The following FHIT variants were observed in gnomAD, a reference collection of about 807,000 sequenced individuals.
FHIT encodes the protein fragile histidine triad diadenosine triphosphatase.
A neutral mutation model predicts 17.9 loss-of-function variants in FHIT; 19 were observed. The observed-to-expected ratio is 1.06, with a 90% CI of 0.74 to 1.56. The LOEUF is 1.56. Ranked by LOEUF, FHIT falls within the 40% of genes most tolerant of loss-of-function variation. The pLI is 0.00. For synonymous variants in FHIT, 81 were observed against 69.7 expected (o/e 1.16, Z -0.81); for missense variants, 248 against 189.2 (o/e 1.31, Z -1.82).
At chr3:60,325,846 T>C (rs182647550) in intron 5 of FHIT, among the ~76,000 whole-genome samples, 41 of 152,372 alleles carry the variant, frequency 2.7e-4, no homozygotes, top group East Asian at 3.9e-4. Flanking sequence ...TGTTATGTTA[T>C]GCTTTTATTG....
chr3:60,624,070 A>G (rs1227520416), intron 4 of FHIT, among the ~76,000 whole-genome samples: 1 of 152,236 alleles, frequency 6.6e-6, no homozygotes, highest in Non-Finnish European at 1.5e-5. Context: ...CACATTCAAA[A>G]GGGCTGTTTA....
intron 4 of FHIT, among the ~76,000 whole-genome samples, chr3:60,548,857 A>G (rs1353275462): frequency 6.6e-6 from 1 of 152,050 alleles, no homozygotes; most frequent in Non-Finnish European, 1.5e-5. Context: ...ACTTCATCAT[A>G]CTCTTGACTC....
At chr3:59,963,716 A>G (rs1265809682) in intron 7 of FHIT, among the ~76,000 whole-genome samples, 2 of 152,240 alleles carry the variant, frequency 1.3e-5, no homozygotes, top group African/African-American at 4.8e-5. Context: ...GTGGAATCCC[A>G]GTTTTGAAGA....
intron 2 of FHIT, among the ~76,000 whole-genome samples, chr3:61,071,555 C>T (rs1375084270): frequency 6.6e-6 from 1 of 152,018 alleles, no homozygotes; most frequent in Non-Finnish European, 1.5e-5. Context: ...GATTGCTATG[C>T]AGTCATTAAA....
chr3:60,223,554 A>G (rs536261283), intron 5 of FHIT, among the ~76,000 whole-genome samples: 34 of 152,260 alleles, frequency 2.2e-4, no homozygotes, highest in Non-Finnish European at 4.6e-4. Context: ...TTCCCAAGTA[A>G]CAAGCTTGTT....
chr3:61,156,493 C>T (rs2037537780), intron 2 of FHIT, among the ~76,000 whole-genome samples: 1 of 152,058 alleles, frequency 6.6e-6, no homozygotes, highest in African/African-American at 2.4e-5. Context: ...GTCTATCTCT[C>T]CACCAAGAAC....
At chr3:60,248,175 TC>T (rs1402601106) in intron 5 of FHIT, among the ~76,000 whole-genome samples, 1 of 152,092 alleles carries the variant, frequency 6.6e-6, no homozygotes, top group East Asian at 1.9e-4. Flanking sequence ...CTTTAGTTCT[TC>T]CCCCTAAGAG....
chr3:60,281,547 G>A lies in FHIT; in HGVS notation c.103+255313C>T, dbSNP rs140261749. Among the ~76,000 whole-genome samples the A allele has an allele frequency of 5.4e-3, 816 of 150,542 alleles. 6 individuals are homozygous for A. Among genetic ancestry groups the A allele is most frequent in the African/African-American group, 0.018 (748 of 41,018 alleles). The stretch of plus-strand genomic sequence containing the variant: ...AGACCAATACAAACATAAACAACTT[G>A]CCCTGGACAGAGGAGCAAAGGCAAT... On this transcript the variant is annotated intron_variant, in intron 5 of 9. Transcript: ENST00000492590.
At chr3:60,139,559 G>T (rs1310564006) in intron 5 of FHIT, among the ~76,000 whole-genome samples, 2 of 152,110 alleles carry the variant, frequency 1.3e-5, no homozygotes, top group African/African-American at 4.8e-5. Context: ...ACAATCCTCA[G>T]CTACTCATTG....
intron 4 of FHIT, among the ~76,000 whole-genome samples, chr3:60,654,161 A>G (rs1336786628): frequency 6.6e-6 from 1 of 152,024 alleles, no homozygotes; most frequent in Non-Finnish European, 1.5e-5. Flanking sequence ...CCTCCCTAGA[A>G]GCCGAGCCAG....
chr3:59,890,461 G>A (rs904264870), intron 8 of FHIT, among the ~76,000 whole-genome samples: 4 of 152,142 alleles, frequency 2.6e-5, no homozygotes, highest in Non-Finnish European at 4.4e-5. Context: ...GAAAGGCTGG[G>A]TTTAGGGTTC....
intron 7 of FHIT, among the ~76,000 whole-genome samples, chr3:59,981,871 G>A (rs802773): frequency 0.88 from 133,745 of 152,116 alleles, 58,917 homozygotes; most frequent in East Asian, 1. Flanking sequence ...ATTTAAAATT[G>A]TATTTTATGA....
intron 4 of FHIT, among the ~76,000 whole-genome samples, chr3:60,821,525 A>C (rs1175144931): frequency 6.6e-6 from 1 of 152,136 alleles, no homozygotes; most frequent in African/African-American, 2.4e-5. Flanking sequence ...AAAACATAAC[A>C]ACCTGACTTT....
chr3:60,473,547 T>A (rs1415342579), intron 5 of FHIT, among the ~76,000 whole-genome samples: 1 of 152,112 alleles, frequency 6.6e-6, no homozygotes, highest in African/African-American at 2.4e-5. Context: ...CATTAACCAA[T>A]AGGGCTAACT....
intron 1 of FHIT, among the ~76,000 whole-genome samples, chr3:61,212,093 G>A (rs34335317): frequency 0.39 from 59,497 of 152,064 alleles, 11,954 homozygotes; most frequent in East Asian, 0.52. Flanking sequence ...AAAGCAGAGC[G>A]CTTCTCCTCC....
chr3:60,472,419 A>C (rs1040527577), intron 5 of FHIT, among the ~76,000 whole-genome samples: 1 of 141,782 alleles, frequency 7.1e-6, no homozygotes, highest in Non-Finnish European at 1.5e-5. Context: ...CCCAGGCTGG[A>C]GTGCAGTGGC....
At chr3:60,428,346 T>G (rs963424407) in intron 5 of FHIT, among the ~76,000 whole-genome samples, 1 of 152,144 alleles carries the variant, frequency 6.6e-6, no homozygotes, top group Non-Finnish European at 1.5e-5. Flanking sequence ...TTACCTGGAA[T>G]CGTGGCAATA....
intron 5 of FHIT, among the ~76,000 whole-genome samples, chr3:60,299,109 G>A (rs572790179): frequency 6.6e-6 from 1 of 152,220 alleles, no homozygotes; most frequent in African/African-American, 2.4e-5. Flanking sequence ...AAATTGGGCT[G>A]CTGATCCATT....
At chr3:59,806,029 A>T (rs1034274555) in intron 8 of FHIT, among the ~76,000 whole-genome samples, 1 of 151,850 alleles carries the variant, frequency 6.6e-6, no homozygotes, top group African/African-American at 2.4e-5. Context: ...AAAATACAAA[A>T]ATTTAGCCGG....
Sources: gnomAD v4.1 joint callset for allele counts (sites outside exome capture counted in the v4.1 genomes callset) on GRCh38, gnomAD v4.1.1 for gene constraint, MANE v1.5 for transcripts, NCBI Gene and HGNC (gene_info 2026-07-23, HGNC 2026-07-21) for gene names.